CDH13: variants seen among roughly 807,000 people sequenced by gnomAD.
The protein encoded by CDH13 is cadherin-13.
A neutral mutation model predicts 63.8 loss-of-function variants in CDH13; 24 were observed. The ratio of observed to expected loss-of-function variants is 0.38; its 90% CI spans 0.27 to 0.53. The LOEUF (loss-of-function observed/expected upper bound fraction) is 0.53. CDH13 is among the 20% of genes least tolerant of loss of function. The pLI is 0.85. For synonymous variants in CDH13, 503 were observed against 355.3 expected, an observed-to-expected ratio of 1.42 and a Z score of -4.67; for missense variants, 1,049 against 903.1, an observed-to-expected ratio of 1.16 and a Z score of -2.07.
intron 10 of CDH13, chr16:83,725,904 C>T (rs897376720): frequency 5.9e-5 from 9 of 152,204 alleles, no homozygotes; most frequent in African/African-American, 7.2e-5. Context: ...TTGTACAAAT[C>T]CTGCATTTGC....
chr16:82,862,453 G>C (rs2039981409), intron 2 of CDH13, among the ~76,000 whole-genome samples: 1 of 152,212 alleles, frequency 6.6e-6, no homozygotes, highest in South Asian at 2.1e-4. Flanking sequence ...CTCATTAGGA[G>C]AAACCATACC....
intron 1 of CDH13, among the ~76,000 whole-genome samples, chr16:82,696,598 C>T (rs188553153): frequency 9.9e-5 from 15 of 152,218 alleles, no homozygotes; most frequent in Admixed American, 2.0e-4. Flanking sequence ...CATGTTGCAA[C>T]GAAGGCTGTA....
chr16:83,285,199 T>C (rs2089279066), intron 5 of CDH13, among the ~76,000 whole-genome samples: 1 of 152,190 alleles, frequency 6.6e-6, no homozygotes, highest in African/African-American at 2.4e-5. Flanking sequence ...ATGCAGAAAG[T>C]CCTACCCAGA....
At chr16:83,231,396 C>G in intron 5 of CDH13, among the ~76,000 whole-genome samples, 1 of 152,156 alleles carries the variant, frequency 6.6e-6, no homozygotes, top group Non-Finnish European at 1.5e-5. Flanking sequence ...TTTGATTGTA[C>G]TTCCTGATGG....
chr16:83,043,822 C>T (rs1165716307), intron 3 of CDH13, among the ~76,000 whole-genome samples: 3 of 142,698 alleles, frequency 2.1e-5, no homozygotes, highest in East Asian at 4.1e-4. Flanking sequence ...GCAAGTGTGA[C>T]TCTATCTCAA....
intron 6 of CDH13, among the ~76,000 whole-genome samples, chr16:83,421,923 A>G (rs2071727659): frequency 6.6e-6 from 1 of 152,242 alleles, no homozygotes; most frequent in Admixed American, 6.5e-5. Flanking sequence ...AGTTTTGGCA[A>G]TCCTTAGCCA....
At chr16:83,109,910 A>G (rs2034976029) in intron 3 of CDH13, among the ~76,000 whole-genome samples, 2 of 152,144 alleles carry the variant, frequency 1.3e-5, no homozygotes, top group African/African-American at 2.4e-5. Context: ...GCAAGTCTTG[A>G]TTTGTGTTGT....
At chr16:82,833,976 T>C (rs1199390675) in intron 1 of CDH13, among the ~76,000 whole-genome samples, 1 of 152,216 alleles carries the variant, frequency 6.6e-6, no homozygotes, top group Non-Finnish European at 1.5e-5. Flanking sequence ...TGGGGAATTG[T>C]CTCTGAACCC....
chr16:82,851,291 T>A (rs1467989071), intron 1 of CDH13, among the ~76,000 whole-genome samples: 1 of 151,872 alleles, frequency 6.6e-6, no homozygotes, highest in African/African-American at 2.4e-5. Context: ...AAAAATTAGC[T>A]GGGCATAGTG....
chr16:82,671,201 T>A (rs2150943953), intron 1 of CDH13, among the ~76,000 whole-genome samples: 1 of 152,162 alleles, frequency 6.6e-6, no homozygotes, highest in South Asian at 2.1e-4. Context: ...ATAAAGTAAA[T>A]GAAAAAAGAA....
At chr16:82,813,772 C>G (rs899871690) in intron 1 of CDH13, among the ~76,000 whole-genome samples, 4 of 152,180 alleles carry the variant, frequency 2.6e-5, no homozygotes, top group African/African-American at 7.2e-5. Context: ...CTGCCTCCAT[C>G]TACAGGACCT....
intron 2 of CDH13, among the ~76,000 whole-genome samples, chr16:83,004,348 A>C (rs1231752547): frequency 6.6e-6 from 1 of 152,206 alleles, no homozygotes; most frequent in African/African-American, 2.4e-5. Context: ...TGGGCATCCA[A>C]ATCAGTTAGG....
intron 2 of CDH13, among the ~76,000 whole-genome samples, chr16:82,973,758 C>G (rs1476861697): frequency 1.3e-5 from 2 of 152,162 alleles, no homozygotes; most frequent in African/African-American, 2.4e-5. Flanking sequence ...CTTTTCTAGT[C>G]TCCTAGGCAG....
chr16:83,471,275 C>CTTTTTT (rs34765413), intron 6 of CDH13, among the ~76,000 whole-genome samples: 3 of 121,998 alleles, frequency 2.5e-5, no homozygotes, highest in African/African-American at 6.3e-5. Context: ...TCTAACCACC[C>CTTTTTT]TTTTTTTTTT....
At chr16:82,665,644 C>G (rs1017584195) in intron 1 of CDH13, among the ~76,000 whole-genome samples, 6 of 152,064 alleles carry the variant, frequency 3.9e-5, no homozygotes, top group African/African-American at 1.2e-4. Context: ...CACAGGTACT[C>G]TGCTTCACCT....
At chr16:82,820,095 T>A (rs1389668913) in intron 1 of CDH13, among the ~76,000 whole-genome samples, 1 of 152,166 alleles carries the variant, frequency 6.6e-6, no homozygotes, top group Non-Finnish European at 1.5e-5. Flanking sequence ...CCAGCATCTC[T>A]TAGCTCCTTC....
At chr16:83,513,332 C>G (rs1361881286) in intron 7 of CDH13, among the ~76,000 whole-genome samples, 1 of 152,116 alleles carries the variant, frequency 6.6e-6, no homozygotes, top group Non-Finnish European at 1.5e-5. Flanking sequence ...ATGGCATTTT[C>G]TCCAAAATAT....
chr16:83,177,909 T>C (rs1325662027), intron 4 of CDH13, among the ~76,000 whole-genome samples: 2 of 152,184 alleles, frequency 1.3e-5, no homozygotes, highest in East Asian at 3.9e-4. Flanking sequence ...AGACTGTTTA[T>C]CTTGTTCACG....
At chr16:83,538,518 G>C (rs992708032) in intron 7 of CDH13, among the ~76,000 whole-genome samples, 1 of 152,214 alleles carries the variant, frequency 6.6e-6, no homozygotes, top group Admixed American at 6.5e-5. Context: ...AAAATATAGA[G>C]TGAAACTTGA....
Sources: gnomAD v4.1 joint callset for allele counts (sites outside exome capture counted in the v4.1 genomes callset) on GRCh38, gnomAD v4.1.1 for gene constraint, MANE v1.5 for transcripts, NCBI Gene and HGNC (gene_info 2026-07-23, HGNC 2026-07-21) for gene names.